PHF7: variants seen among roughly 807,000 people sequenced by gnomAD.
The protein encoded by PHF7 is PHD finger protein 7.
In PHF7, 24 loss-of-function variants were observed where a neutral mutation model predicts 47.5. The observed-to-expected ratio is 0.51, with a 90% CI of 0.37 to 0.71. PHF7 has a LOEUF of 0.71. PHF7 is among the 30% of genes least tolerant of loss of function. The pLI is 0.00. For synonymous variants in PHF7, 156 were observed against 153.8 expected, an observed-to-expected ratio of 1.01 and a Z score of -0.11; for missense variants, 361 against 456.8, an observed-to-expected ratio of 0.79 and a Z score of 1.91.
At chr3:52,419,493 G>A (rs575719877) in intron 4 of PHF7, among the ~76,000 whole-genome samples, 2 of 148,776 alleles carry the variant, frequency 1.3e-5, no homozygotes, top group African/African-American at 2.5e-5. Flanking sequence ...GCAGTGGCAC[G>A]ATCTCGGCTC....
chr3:52,414,115 G>A, intron 3 of PHF7, 67 bp downstream of exon 3: 2 of 1,024,674 alleles, frequency 2.0e-6, no homozygotes, highest in South Asian at 1.3e-5. Flanking sequence ...CCACCTGTGT[G>A]GGGCAGTATA....
At chr3:52,417,276 G>C (rs1481997191) in intron 4 of PHF7, among the ~76,000 whole-genome samples, 1 of 151,956 alleles carries the variant, frequency 6.6e-6, no homozygotes, top group Admixed American at 6.6e-5. Flanking sequence ...TTGACTATCA[G>C]GTCCTTTCTT....
At chr3:52,413,014 G>T (rs1705501577) in intron 2 of PHF7, 94 bp downstream of exon 2, 3 of 929,486 alleles carry the variant, frequency 3.2e-6, no homozygotes, top group Admixed American at 1.8e-5. Flanking sequence ...AGTCTTGGGG[G>T]TTGAGGTTGG....
chr3:52,423,314 G>GTT lies in PHF7; in HGVS notation c.1144_1145insTT (p.Ter382PhefsTer5). ...TCACTAACAGCTGCAAAAAATCCAA[G>GTT]TAACACCTTCTGAGTAGCTGCTGTC... On this transcript the variant is annotated frameshift_variant, in exon 11 of 11. Transcript: ENST00000327906. LOFTEE classifies it high-confidence loss of function. The GTT allele has an allele frequency of 1.2e-6, 2 of 1,602,690 alleles. No individual in the cohort carries two copies. The highest frequency in any genetic ancestry group is 1.7e-6 in the Non-Finnish European group (2 of 1,169,892).
chr3:52,411,599 T>A (rs1214795240), intron 1 of PHF7, among the ~76,000 whole-genome samples: 1 of 152,220 alleles, frequency 6.6e-6, no homozygotes, highest in Non-Finnish European at 1.5e-5. Context: ...CTGGAGTGTC[T>A]CTGGAGTGAC....
rs1257236768 is a variant in PHF7, at chr3:52,410,869, A to T, written c.-448A>T. On this transcript the variant is annotated 5_prime_UTR_variant, in exon 1 of 11. An upstream start codon of the reference 5' UTR is lost. Coordinates refer to ENST00000327906, the MANE Select transcript of PHF7 (RefSeq NM_016483.7). The stretch of plus-strand genomic sequence containing the variant: ...GCACTGGCCGCCCGGCAGGCGCGAC[A>T]TGAGCCTGGTCTGGCATCCGCGGGA... 1 of 152,330 alleles carries T rather than the reference A, an allele frequency of 6.6e-6. No individual in the cohort carries two copies. Among genetic ancestry groups the T allele is most frequent in the East Asian group, 1.9e-4 (1 of 5,196 alleles). The allele number at this position is 152,330 out of a possible 1,614,324, so 9.4% of individuals were successfully genotyped here.
At chr3:52,413,059 C>A in intron 2 of PHF7, 139 bp downstream of exon 2, 3 of 687,418 alleles carry the variant, frequency 4.4e-6, no homozygotes, top group South Asian at 1.6e-5. Context: ...TGGGAGCTGT[C>A]ATACCTGTCT....
intron 2 of PHF7, among the ~76,000 whole-genome samples, chr3:52,413,147 GC>G (rs1705510847): frequency 6.6e-6 from 1 of 152,160 alleles, no homozygotes; most frequent in Non-Finnish European, 1.5e-5. Context: ...TCTGCCACTT[GC>G]CAATAACTGT....
At chr3:52,422,697 C>T (rs1228340676) in intron 9 of PHF7, 63 bp from the exon 10 acceptor site, 1 of 1,589,832 alleles carries the variant, frequency 6.3e-7, no homozygotes, top group East Asian at 2.2e-5. Context: ...CCATAGCAAA[C>T]ATCCAAGCAT....
At chr3:52,421,996 G>A (rs1705805242) in intron 8 of PHF7, 1 of 595,566 alleles carries the variant, frequency 1.7e-6, no homozygotes, top group African/African-American at 1.9e-5. Flanking sequence ...GGGGGGTTGA[G>A]TTATTGGATT....
At chr3:52,422,361 A>T (rs1705818501) in intron 9 of PHF7, 23 bp downstream of exon 9, 3 of 1,443,054 alleles carry the variant, frequency 2.1e-6, no homozygotes, top group Non-Finnish European at 2.9e-6. Flanking sequence ...TTCTGGCTAG[A>T]AAGAGCTCTC....
intron 1 of PHF7, among the ~76,000 whole-genome samples, chr3:52,412,009 A>C (rs969795828): frequency 1.3e-5 from 2 of 152,188 alleles, no homozygotes; most frequent in African/African-American, 4.8e-5. Context: ...GGAGCCCAGG[A>C]GTTGAAGACC....
chr3:52,423,250 G>A lies in PHF7; in HGVS notation c.1079G>A (p.Gly360Asp). Residue 360 changes from glycine (G) to aspartate (D), a missense_variant, in exon 11 of 11, where the codon GGC becomes GAC. Physicochemically the swap from Gly to Asp is moderately conservative, Grantham distance 94. Coordinates refer to ENST00000327906, the MANE Select transcript of PHF7 (RefSeq NM_016483.7). ...TTAGAAAAGCCAGAGTCCTCTCGTG[G>A]CAGGAGGAGCTACTCCTGGAGGTCC... ...SLLEKPESSRGRRSYSWRSKG... is the reference protein window; with the variant it reads ...SLLEKPESSRDRRSYSWRSKG... The A allele has an allele frequency of 6.2e-7, 1 of 1,614,154 alleles. No individual in the cohort carries two copies. Among genetic ancestry groups the A allele is most frequent in the Non-Finnish European group, 8.5e-7 (1 of 1,179,996 alleles).
chr3:52,416,337 C>G (rs1476734189), intron 4 of PHF7, among the ~76,000 whole-genome samples: 1 of 151,416 alleles, frequency 6.6e-6, no homozygotes, highest in Non-Finnish European at 1.5e-5. Flanking sequence ...AGGTGCCTGT[C>G]ACCACGCATG....
intron 9 of PHF7, 153 bp from the exon 10 acceptor site, chr3:52,422,607 G>A: frequency 2.5e-6 from 2 of 811,200 alleles, no homozygotes; most frequent in Non-Finnish European, 4.1e-6. Context: ...ACGACTGATG[G>A]CAGGCTTCTG....
chr3:52,422,808 C>T lies in PHF7; in HGVS notation c.846C>T (p.His282=). 6.2e-7 allele frequency: 1 copy of T among 1,614,008 alleles called. No individual in the cohort carries two copies. The highest frequency in any genetic ancestry group is 8.5e-7 in the Non-Finnish European group (1 of 1,179,872). ...CTACATGCGGATCCCACGGAACCCA[C>T]AGGGACTGCTCCTCTCTTAGATCTA... ...LCATCGSHGT[H]RDCSSLRSNS... The change falls in exon 10 of 11, where the codon CAC becomes CAT. Residue 282 remains histidine (H), a synonymous_variant. Transcript: ENST00000327906.
intron 2 of PHF7, among the ~76,000 whole-genome samples, chr3:52,413,132 C>T (rs771103194): frequency 6.6e-6 from 1 of 152,208 alleles, no homozygotes. Flanking sequence ...AATTCATATC[C>T]TAGCTCTGCC....
In PHF7 at chr3:52,420,887, T is replaced by G; in HGVS notation, c.414-16T>G. The G allele has an allele frequency of 6.3e-7, 1 of 1,598,308 alleles. No homozygotes were observed. Reference sequence around the variant, plus strand: ...TCAATGACAAACCAGAAACCAAGTCTGTTTACCTGCCACAGATCATTTTGT... The same window carrying G: ...TCAATGACAAACCAGAAACCAAGTCGGTTTACCTGCCACAGATCATTTTGT... On this transcript the variant is annotated splice_polypyrimidine_tract_variant and intron_variant, in intron 6 of 10. Transcript: ENST00000327906.
intron 4 of PHF7, among the ~76,000 whole-genome samples, chr3:52,417,248 A>G (rs537186578): frequency 2.6e-5 from 4 of 152,304 alleles, no homozygotes; most frequent in East Asian, 1.9e-4. Context: ...AAGTTCTACA[A>G]TCTTTTCCAA....
Sources: gnomAD v4.1 joint callset for allele counts (sites outside exome capture counted in the v4.1 genomes callset) on GRCh38, gnomAD v4.1.1 for gene constraint, MANE v1.5 for transcripts, NCBI Gene and HGNC (gene_info 2026-07-23, HGNC 2026-07-21) for gene names.